The following ATP9A variants were observed in gnomAD, a reference collection of about 807,000 sequenced individuals.
ATP9A encodes the protein ATPase phospholipid transporting 9A.
In ATP9A, 52 loss-of-function variants were observed where a neutral mutation model predicts 144.1. That is an observed-to-expected ratio of 0.36 (90% CI 0.29 to 0.45). The LOEUF is 0.45. Among genes scored for constraint, ATP9A ranks in the 20% least tolerant of loss-of-function variants. The pLI, the probability that ATP9A is intolerant of heterozygous loss-of-function variation, is 1.00. For synonymous variants in ATP9A, 582 were observed against 557.4 expected, an observed-to-expected ratio of 1.04 and a Z score of -0.62; for missense variants, 947 against 1,392.7, an observed-to-expected ratio of 0.68 and a Z score of 5.09.
chr20:51,767,245 G>A lies in ATP9A; in HGVS notation c.68+1057C>T, dbSNP rs996845987. ...GAAGGGCGGAGCAGAGCGGCCGCAG[G>A]CCCCGCCCAACACCGCGCTCAGCCT... On this transcript the variant is annotated intron_variant, in intron 1 of 27. Coordinates refer to ENST00000338821, the MANE Select transcript of ATP9A (RefSeq NM_006045.3). Among the ~76,000 whole-genome samples the A allele has an allele frequency of 5.3e-5, 8 of 152,144 alleles. No homozygotes were observed. In the South Asian group the frequency reaches 1.7e-3, roughly 32 times the overall value.
intron 11 of ATP9A, among the ~76,000 whole-genome samples, chr20:51,673,567 C>G (rs1184973033): frequency 6.6e-6 from 1 of 152,118 alleles, no homozygotes; most frequent in Non-Finnish European, 1.5e-5. Context: ...CCACTATCAA[C>G]CTTGCAGAGC....
intron 9 of ATP9A, among the ~76,000 whole-genome samples, chr20:51,686,199 C>T (rs566474968): frequency 6.6e-6 from 1 of 152,120 alleles, no homozygotes; most frequent in African/African-American, 2.4e-5. Context: ...GGGAACATCA[C>T]ACACCGGGGC....
At chr20:51,760,133 A>G (rs1300632775) in intron 1 of ATP9A, among the ~76,000 whole-genome samples, 2 of 152,192 alleles carry the variant, frequency 1.3e-5, no homozygotes, top group Non-Finnish European at 2.9e-5. Context: ...CAGAAGAACT[A>G]GTATCTCTAA....
chr20:51,767,412 C>A (rs2077909850), intron 1 of ATP9A, among the ~76,000 whole-genome samples: 1 of 151,698 alleles, frequency 6.6e-6, no homozygotes, highest in East Asian at 1.9e-4. Context: ...CTTCCCACCC[C>A]CGCCCCTCAC....
intron 2 of ATP9A, among the ~76,000 whole-genome samples, chr20:51,727,121 G>A (rs62226706): frequency 0.068 from 10,238 of 150,902 alleles, 788 homozygotes; most frequent in African/African-American, 0.19. Flanking sequence ...GTGAAACCCC[G>A]TCTCTACAAA....
intron 1 of ATP9A, among the ~76,000 whole-genome samples, chr20:51,752,746 G>A (rs1037434223): frequency 1.3e-5 from 2 of 152,184 alleles, no homozygotes; most frequent in Admixed American, 1.3e-4. Context: ...CCCCGGGCAG[G>A]AGTCAGTGCC....
chr20:51,734,016 G>A (rs552236950), intron 1 of ATP9A, among the ~76,000 whole-genome samples: 15 of 151,770 alleles, frequency 9.9e-5, no homozygotes, highest in East Asian at 1.9e-4. Flanking sequence ...TCACTCTGTC[G>A]CCCAGGATGG....
Position 51,690,693 on chromosome 20 carries a change from T to C in ATP9A, c.723+46A>G, listed in dbSNP as rs752038795. On this transcript the variant is annotated intron_variant, in intron 8 of 27. Coordinates refer to ENST00000338821, the MANE Select transcript of ATP9A (RefSeq NM_006045.3). ...ACTTCTTGGCCTTCATTTCATCCCT[T>C]ACACACTCCCGGTGACAGGATCCCA... is the stretch of plus-strand genomic sequence containing the variant. 3 of 1,504,302 alleles carry C rather than the reference T, an allele frequency of 2.0e-6. No homozygotes were observed. In the East Asian group the frequency reaches 6.8e-5, roughly 34 times the overall value. The allele number at this position is 1,504,302 out of a possible 1,614,324, so 93.2% of individuals were successfully genotyped here.
chr20:51,668,465 C>A (rs57759293), intron 13 of ATP9A, among the ~76,000 whole-genome samples: 39,319 of 151,746 alleles, frequency 0.26, 5,645 homozygotes, highest in East Asian at 0.49. Flanking sequence ...GGAGACAGAG[C>A]CATCAGCATC....
intron 1 of ATP9A, among the ~76,000 whole-genome samples, chr20:51,739,719 G>C (rs1050304299): frequency 6.6e-6 from 1 of 152,164 alleles, no homozygotes; most frequent in Non-Finnish European, 1.5e-5. Context: ...GCTTAGCCAG[G>C]GAGAGCCCTG....
intron 1 of ATP9A, among the ~76,000 whole-genome samples, chr20:51,738,614 G>A (rs917789771): frequency 1.3e-5 from 2 of 152,106 alleles, no homozygotes; most frequent in Admixed American, 6.6e-5. Flanking sequence ...GAGGATTGAC[G>A]CAGGAGAATC....
chr20:51,712,916 C>T lies in ATP9A; in HGVS notation c.436+50G>A, dbSNP rs377220331. 95 of 1,482,690 alleles carry T rather than the reference C, an allele frequency of 6.4e-5. No homozygotes were observed. In the South Asian group the frequency reaches 9.1e-4, roughly 14 times the overall value. 91.8% of individuals were successfully genotyped at this position (1,482,690 alleles called of 1,614,324 possible). On this transcript the variant is annotated intron_variant, in intron 4 of 27. Transcript: ENST00000338821. Reference sequence around the variant, plus strand: ...TGAACTCTTCTCCCCTGACTGTCAGCGGCCCGTGATTGAGCTGCAACCCTG... The same window carrying T: ...TGAACTCTTCTCCCCTGACTGTCAGTGGCCCGTGATTGAGCTGCAACCCTG...
intron 4 of ATP9A, among the ~76,000 whole-genome samples, chr20:51,711,112 T>C (rs941926762): frequency 8.5e-5 from 13 of 152,324 alleles, no homozygotes; most frequent in African/African-American, 2.6e-4. Flanking sequence ...CACCTGCCTC[T>C]GCAAAGATTA....
At chr20:51,625,159 G>A (rs2077242868) in intron 18 of ATP9A, 33 bp downstream of exon 18, 1 of 1,586,474 alleles carries the variant, frequency 6.3e-7, no homozygotes, top group Non-Finnish European at 8.6e-7. Context: ...GCATTGCCCT[G>A]GAGTGCCCTT....
intron 10 of ATP9A, 73 bp downstream of exon 10, chr20:51,676,059 A>T: frequency 8.9e-7 from 1 of 1,120,822 alleles, no homozygotes; most frequent in Non-Finnish European, 1.3e-6. Flanking sequence ...TTCCTATTTT[A>T]ATATCTCGTC....
intron 4 of ATP9A, among the ~76,000 whole-genome samples, chr20:51,698,860 A>G (rs1025608851): frequency 3.9e-5 from 6 of 152,192 alleles, no homozygotes; most frequent in Non-Finnish European, 7.4e-5. Context: ...GAGAGATGAA[A>G]GTGGAAGGGG....
At chr20:51,761,578 G>T (rs918786690) in intron 1 of ATP9A, among the ~76,000 whole-genome samples, 1 of 151,992 alleles carries the variant, frequency 6.6e-6, no homozygotes. Context: ...TGGCTAACAC[G>T]GTGAAACCCC....
intron 13 of ATP9A, among the ~76,000 whole-genome samples, chr20:51,660,350 C>G (rs2077405760): frequency 6.6e-6 from 1 of 152,192 alleles, no homozygotes; most frequent in Admixed American, 6.6e-5. Context: ...ATATTTCAAA[C>G]ATGGGATAAC....
intron 4 of ATP9A, among the ~76,000 whole-genome samples, chr20:51,711,746 G>A (rs1301405966): frequency 6.6e-6 from 1 of 151,858 alleles, no homozygotes; most frequent in Non-Finnish European, 1.5e-5. Flanking sequence ...GTGTTTCAGT[G>A]GGTTTTTAAG....
Sources: allele counts gnomAD v4.1 joint callset (sites outside exome capture counted in the v4.1 genomes callset), GRCh38; gene constraint gnomAD v4.1.1; transcripts MANE v1.5; gene names NCBI Gene and HGNC (gene_info 2026-07-23, HGNC 2026-07-21).